Variants in FAT3 observed in about 807,000 individuals in gnomAD.
FAT3 encodes the protein FAT atypical cadherin 3, also known as protocadherin Fat 3.
FAT3 carries 95 observed loss-of-function variants against 310.2 expected under a neutral mutation model. That is an observed-to-expected ratio of 0.31 (90% CI 0.26 to 0.36). FAT3 has a LOEUF of 0.36. Ranked by LOEUF, FAT3 falls within the 10% of genes least tolerant of loss-of-function variation. The pLI is 1.00. For missense variants in FAT3, 5,408 were observed against 5,715.6 expected (o/e 0.95, Z 1.74); for synonymous variants, 2,314 against 2,192.9 (o/e 1.06, Z -1.54).
intron 2 of FAT3, among the ~76,000 whole-genome samples, chr11:92,394,787 G>A (rs914627761): frequency 2.6e-5 from 4 of 152,084 alleles, no homozygotes; most frequent in African/African-American, 4.8e-5. Context: ...GAAAAAATTT[G>A]TTATTATAGA....
At chr11:92,562,586 A>T (rs903477016) in intron 3 of FAT3, among the ~76,000 whole-genome samples, 4 of 152,186 alleles carry the variant, frequency 2.6e-5, no homozygotes, top group African/African-American at 9.6e-5. Flanking sequence ...GGAGGATAAG[A>T]AGTCCCATGA....
At chr11:92,384,373 A>C (rs1949570760) in intron 2 of FAT3, among the ~76,000 whole-genome samples, 1 of 152,206 alleles carries the variant, frequency 6.6e-6, no homozygotes, top group South Asian at 2.1e-4. Context: ...AAATTCTTTG[A>C]GCACATTTGA....
intron 1 of FAT3, among the ~76,000 whole-genome samples, chr11:92,304,577 C>T (rs1947074521): frequency 6.6e-6 from 1 of 152,056 alleles, no homozygotes; most frequent in Non-Finnish European, 1.5e-5. Flanking sequence ...ACTCAAACCA[C>T]CTCTGCAGTT....
chr11:92,400,338 T>G (rs1949984869), intron 2 of FAT3: 1 of 152,178 alleles, frequency 6.6e-6, no homozygotes, highest in African/African-American at 2.4e-5. Context: ...TTTGGATCAC[T>G]TATCCACAAA....
chr11:92,569,381 T>A (rs1354968546), intron 3 of FAT3, among the ~76,000 whole-genome samples: 1 of 152,212 alleles, frequency 6.6e-6, no homozygotes, highest in East Asian at 1.9e-4. Flanking sequence ...GTCTATGCAA[T>A]CACACATAAG....
At chr11:92,349,769 G>A (rs894685253) in intron 1 of FAT3, among the ~76,000 whole-genome samples, 9 of 152,104 alleles carry the variant, frequency 5.9e-5, no homozygotes, top group South Asian at 2.1e-4. Context: ...CTTTATAGAC[G>A]CTTACTCCCT....
chr11:92,836,276 C>T lies in FAT3; in HGVS notation c.10087-290C>T, dbSNP rs372244124. Among the ~76,000 whole-genome samples, 19 of 152,248 alleles carry T rather than the reference C, an allele frequency of 1.2e-4. No individual in the cohort carries two copies. In the East Asian group the frequency reaches 3.3e-3, roughly 26 times the overall value. The stretch of plus-strand genomic sequence containing the variant: ...AGCGTTCCTGTCCATTAGCTTTGGG[C>T]TCTAACCATACTGTCTCAAACCCTG... On this transcript the variant is annotated intron_variant, in intron 15 of 27. Coordinates refer to ENST00000525166, the MANE Select transcript of FAT3 (RefSeq NM_001367949.2).
At chr11:92,388,245 G>C (rs534498501) in intron 2 of FAT3, among the ~76,000 whole-genome samples, 1 of 152,178 alleles carries the variant, frequency 6.6e-6, no homozygotes, top group African/African-American at 2.4e-5. Flanking sequence ...CCCTCACCTT[G>C]TGGCTGAATC....
chr11:92,443,928 T>C (rs613660), intron 2 of FAT3, among the ~76,000 whole-genome samples: 1,736 of 152,300 alleles, frequency 0.011, 9 homozygotes, highest in Non-Finnish European at 0.018. Flanking sequence ...AGAATCTAAT[T>C]TAAAACTTAA....
intron 13 of FAT3, among the ~76,000 whole-genome samples, chr11:92,818,063 A>G (rs997295628): frequency 9.8e-5 from 15 of 152,310 alleles, no homozygotes; most frequent in Admixed American, 8.5e-4. Context: ...GTAAGAATCA[A>G]AAATGCTTGT....
intron 3 of FAT3, among the ~76,000 whole-genome samples, chr11:92,657,913 A>G (rs961186776): frequency 1.3e-5 from 2 of 152,210 alleles, no homozygotes; most frequent in African/African-American, 2.4e-5. Flanking sequence ...TCTGCATTAT[A>G]TAGACCAGCG....
At chr11:92,464,113 G>C (rs888230477) in intron 2 of FAT3, among the ~76,000 whole-genome samples, 1 of 152,190 alleles carries the variant, frequency 6.6e-6, no homozygotes, top group South Asian at 2.1e-4. Flanking sequence ...AAGTGTAAAG[G>C]ATGAGTGTTT....
rs79018622 is a variant in FAT3 at position 92,575,403 on chromosome 11, G to C, written c.3607+50455G>C. 2.9e-3 allele frequency among the ~76,000 whole-genome samples: 441 copies of C among 152,264 alleles called. 6 individuals are homozygous for C. Among genetic ancestry groups the C allele is most frequent in the Middle Eastern group, 0.02 (6 of 294 alleles). ...CAATAATAATACGTTGTATATGAGT[G>C]TTAGTTAAATGTATAAGATGAATCA... On this transcript the variant is annotated intron_variant, in intron 3 of 27. Transcript: ENST00000525166.
chr11:92,444,381 A>G (rs1951159679), intron 2 of FAT3, among the ~76,000 whole-genome samples: 1 of 152,118 alleles, frequency 6.6e-6, no homozygotes, highest in African/African-American at 2.4e-5. Context: ...CATTTGTACT[A>G]TTATATTGTC....
intron 13 of FAT3, among the ~76,000 whole-genome samples, chr11:92,815,078 A>G (rs1485455262): frequency 1.3e-5 from 2 of 152,162 alleles, no homozygotes; most frequent in African/African-American, 4.8e-5. Context: ...TGTGAAGGCC[A>G]CTTAATTAAA....
chr11:92,245,468 T>C (rs1864862377), intron 1 of FAT3, among the ~76,000 whole-genome samples: 2 of 152,116 alleles, frequency 1.3e-5, no homozygotes, highest in African/African-American at 4.8e-5. Flanking sequence ...TCTGCATATG[T>C]ACCCCAGAAC....
intron 2 of FAT3, among the ~76,000 whole-genome samples, chr11:92,415,796 G>A (rs889680850): frequency 4.1e-5 from 6 of 144,672 alleles, no homozygotes; most frequent in African/African-American, 1.5e-4. Flanking sequence ...GTTGATAAAT[G>A]TGTGAATAAT....
Position 92,539,808 on chromosome 11 carries a change from T to G in FAT3, c.3607+14860T>G, listed in dbSNP as rs536533427. On this transcript the variant is annotated intron_variant, in intron 3 of 27. Coordinates refer to ENST00000525166, the MANE Select transcript of FAT3 (RefSeq NM_001367949.2). The stretch of plus-strand genomic sequence containing the variant: ...AAAAAAGATTATATTTCTGGACCAC[T>G]TTTTAAAGTGTATTAATGTGTCTTT... Among the ~76,000 whole-genome samples, 433 of 152,298 alleles carry G rather than the reference T, an allele frequency of 2.8e-3. 1 individual carries two copies. The highest frequency in any genetic ancestry group is 3.1e-3 in the Non-Finnish European group (211 of 68,018).
At chr11:92,501,420 A>G (rs1294741886) in intron 2 of FAT3, among the ~76,000 whole-genome samples, 2 of 152,094 alleles carry the variant, frequency 1.3e-5, no homozygotes, top group East Asian at 1.9e-4. Flanking sequence ...ACTACTGGGA[A>G]ATCATGTTGC....
Sources: gnomAD v4.1 joint callset for allele counts (sites outside exome capture counted in the v4.1 genomes callset) on GRCh38, gnomAD v4.1.1 for gene constraint, MANE v1.5 for transcripts, NCBI Gene and HGNC (gene_info 2026-07-23, HGNC 2026-07-21) for gene names.